Variants in TRIM71 observed in about 807,000 individuals in gnomAD.
TRIM71 encodes the protein tripartite motif containing 71, also known as E3 ubiquitin-protein ligase TRIM71.
TRIM71 carries 9 observed loss-of-function variants against 61.2 expected under a neutral mutation model. The observed-to-expected ratio is 0.15, with a 90% CI of 0.09 to 0.26. The LOEUF (loss-of-function observed/expected upper bound fraction) is 0.26, where lower values mean the gene tolerates loss of function less well. Among genes scored for constraint, TRIM71 ranks in the 10% least tolerant of loss-of-function variants. The pLI, the probability that TRIM71 is intolerant of heterozygous loss-of-function variation, is 1.00. For synonymous variants in TRIM71, 645 were observed against 553.2 expected (o/e 1.17, Z -2.33); for missense variants, 998 against 1,238.7 (o/e 0.81, Z 2.92).
In TRIM71 at chr3:32,891,259, G is replaced by A; in HGVS notation, c.2055G>A (p.Gln685=). ...TCCAGATCTTCACGTTCGAGGGCCA[G>A]TTCCTCCTCAAGTTTGGTGAGAAAG... ...HRIQIFTFEG[Q]FLLKFGEKGT... is the part of the protein sequence containing the mutation. The change falls in exon 4 of 4, where the codon CAG becomes CAA. Residue 685 remains glutamine, a synonymous_variant. Transcript: ENST00000383763. This position sits in a 1 kb window ranked among gnomAD's most constrained non-coding sequence, Gnocchi z 8.2. 6.2e-7 allele frequency: 1 copy of A among 1,613,706 alleles called. No homozygotes were observed. The highest frequency in any genetic ancestry group is 2.2e-5 in the East Asian group (1 of 44,876).
intron 2 of TRIM71, among the ~76,000 whole-genome samples, chr3:32,881,846 C>T (rs147979871): frequency 1.3e-3 from 203 of 152,258 alleles, no homozygotes; most frequent in African/African-American, 4.6e-3. Context: ...TTGGCTGGGT[C>T]GTGCGTAATT....
intron 3 of TRIM71, among the ~76,000 whole-genome samples, chr3:32,888,777 TGGTC>T (rs1309663894): frequency 4.6e-5 from 7 of 152,144 alleles, no homozygotes; most frequent in African/African-American, 1.7e-4. Context: ...TGACCTCAGG[TGGTC>T]CACCCATCTT....
chr3:32,889,391 C>T (rs1696997401), intron 3 of TRIM71, among the ~76,000 whole-genome samples: 1 of 152,152 alleles, frequency 6.6e-6, no homozygotes, highest in Non-Finnish European at 1.5e-5. Context: ...GATTCTTCCA[C>T]CTCAGCTTCC....
In TRIM71 at chr3:32,897,043, G is replaced by A. The variant is rs938874467; in HGVS notation, c.*5232G>A. ...TAAGGGTGGGTGGGTAAGGGGTGTT[G>A]TTTTTTAACTAGCATGTTAGTTATA... On this transcript the variant is annotated 3_prime_UTR_variant, in exon 4 of 4. Coordinates refer to ENST00000383763, the MANE Select transcript of TRIM71 (RefSeq NM_001039111.3). 7.9e-5 allele frequency: 2 copies of A among 25,202 alleles called. No individual in the cohort carries two copies. Among genetic ancestry groups the A allele is most frequent in the African/African-American group, 3.4e-4 (2 of 5,904 alleles). 1.6% of individuals were successfully genotyped at this position (25,202 alleles called of 1,614,324 possible).
intron 1 of TRIM71, among the ~76,000 whole-genome samples, chr3:32,823,194 T>A (rs1278682134): frequency 6.6e-6 from 1 of 152,206 alleles, no homozygotes; most frequent in Non-Finnish European, 1.5e-5. Context: ...GATAAAAATA[T>A]ATGGGAGGGA....
At position 32,838,412 on chromosome 3, in the gene TRIM71, C is replaced by T. The variant is rs552558010; in HGVS notation, c.852+19480C>T. 2.4e-4 allele frequency among the ~76,000 whole-genome samples: 36 copies of T among 151,740 alleles called. 1 individual carries two copies. Among genetic ancestry groups the T allele is most frequent in the Admixed American group, 6.6e-4 (10 of 15,228 alleles). ...GCTAATTTTATATTTTTAGTAGAGA[C>T]GGGGTTTCTCCATGTTGGTCAGGCT... On this transcript the variant is annotated intron_variant, in intron 1 of 3. Coordinates refer to ENST00000383763, the MANE Select transcript of TRIM71 (RefSeq NM_001039111.3).
intron 1 of TRIM71, among the ~76,000 whole-genome samples, chr3:32,873,242 C>T (rs1696818125): frequency 6.6e-6 from 1 of 152,138 alleles, no homozygotes; most frequent in African/African-American, 2.4e-5. Context: ...AGCTTTTTGC[C>T]TTCGTTCCAG....
chr3:32,837,897 T>G (rs2125678085), intron 1 of TRIM71, among the ~76,000 whole-genome samples: 1 of 152,302 alleles, frequency 6.6e-6, no homozygotes, highest in East Asian at 1.9e-4. Flanking sequence ...GTTTAAGACA[T>G]TTGCTGTTTC....
chr3:32,819,274 TCC>T lies in TRIM71; in HGVS notation c.852+343_852+344del, dbSNP rs1559535109. Among the ~76,000 whole-genome samples, 3 of 966 alleles carry T rather than the reference TCC, an allele frequency of 3.1e-3. No individual in the cohort carries two copies. In the East Asian group the frequency reaches 0.17, roughly 54 times the overall value. 0.6% of individuals were successfully genotyped at this position (966 alleles called of 152,430 possible). The stretch of plus-strand genomic sequence containing the variant: ...GTGTGTTTGTGTAGACGTGGCCTGC[TCC>T]TGCTCTTGTGGGCACACCAGAGGCC... On this transcript the variant is annotated intron_variant, in intron 1 of 3. Transcript: ENST00000383763.
intron 1 of TRIM71, among the ~76,000 whole-genome samples, chr3:32,827,059 C>A (rs1281949999): frequency 6.6e-6 from 1 of 152,082 alleles, no homozygotes; most frequent in African/African-American, 2.4e-5. Context: ...GCCACCGCGC[C>A]CGGGCTATGA....
Position 32,861,871 on chromosome 3 carries a change from AC to A in TRIM71, c.853-11942del, listed in dbSNP as rs559494622. On this transcript the variant is annotated intron_variant, in intron 1 of 3. Coordinates refer to ENST00000383763, the MANE Select transcript of TRIM71 (RefSeq NM_001039111.3). Reference sequence around the variant, plus strand: ...CATGCCCCAGCACCCACTCTTCCACACCCCCACACCCCACCTGAGCCTCGGC... The same window carrying A: ...CATGCCCCAGCACCCACTCTTCCACACCCCACACCCCACCTGAGCCTCGGC... 2.9e-3 allele frequency among the ~76,000 whole-genome samples: 440 copies of A among 151,930 alleles called. 1 individual carries two copies. The highest frequency in any genetic ancestry group is 7.1e-3 in the Admixed American group (108 of 15,254).
intron 1 of TRIM71, among the ~76,000 whole-genome samples, chr3:32,829,568 C>T (rs1305760476): frequency 2.0e-5 from 3 of 151,998 alleles, no homozygotes; most frequent in Non-Finnish European, 4.4e-5. Flanking sequence ...TCAACTTGCT[C>T]AATGGAACAG....
At chr3:32,823,784 C>T (rs758544169) in intron 1 of TRIM71, among the ~76,000 whole-genome samples, 4 of 146,564 alleles carry the variant, frequency 2.7e-5, no homozygotes, top group Non-Finnish European at 6.0e-5. Flanking sequence ...ACAGGGAAAT[C>T]TTCCTAAAAG....
At chr3:32,838,957 C>T (rs375544881) in intron 1 of TRIM71, among the ~76,000 whole-genome samples, 7 of 151,990 alleles carry the variant, frequency 4.6e-5, no homozygotes, top group South Asian at 2.1e-4. Context: ...CATGGCACCA[C>T]GCCTGGCTAC....
intron 1 of TRIM71, among the ~76,000 whole-genome samples, chr3:32,866,127 GACTT>G (rs914077074): frequency 6.6e-6 from 1 of 151,290 alleles, no homozygotes; most frequent in African/African-American, 2.4e-5. Flanking sequence ...TGTACAACAT[GACTT>G]ACTTTTAAAA....
At chr3:32,873,757 G>A in intron 1 of TRIM71, 61 bp from the exon 2 acceptor site, 1 of 1,397,598 alleles carries the variant, frequency 7.2e-7, no homozygotes, top group Non-Finnish European at 9.4e-7. Flanking sequence ...TCCAGTTGCT[G>A]TCTTCCCTCC....
chr3:32,858,514 C>CT (rs1171102012), intron 1 of TRIM71, among the ~76,000 whole-genome samples: 1 of 152,170 alleles, frequency 6.6e-6, no homozygotes, highest in Non-Finnish European at 1.5e-5. Flanking sequence ...ACTTTAAGAG[C>CT]TGTCTCTAAA....
At position 32,890,173 on chromosome 3, in the gene TRIM71, C is replaced by G. The variant is rs9873337; in HGVS notation, c.1156-187C>G. On this transcript the variant is annotated intron_variant, in intron 3 of 3. Coordinates refer to ENST00000383763, the MANE Select transcript of TRIM71 (RefSeq NM_001039111.3). This position sits in a 1 kb window ranked among gnomAD's most constrained non-coding sequence, Gnocchi z 6.2. ...AGTAACTATCCTCTGTAACCCAGAA[C>G]AGTTCTTCAGGTTTTTTGGTCCATT... 0.03 allele frequency among the ~76,000 whole-genome samples: 4,519 copies of G among 152,228 alleles called. 222 individuals are homozygous for G. The highest frequency in any genetic ancestry group is 0.1 in the African/African-American group (4,260 of 41,494).
At position 32,875,608 on chromosome 3, in the gene TRIM71, A is replaced by AG. The variant is rs911594124; in HGVS notation, c.1020+1625dup. Reference sequence around the variant, plus strand: ...GTAATCCTAGCACGTTGGGAGGCCGAGGTGGTGGATCACTTGAGCTCAAGA... The same window carrying AG: ...GTAATCCTAGCACGTTGGGAGGCCGAGGGTGGTGGATCACTTGAGCTCAAGA... On this transcript the variant is annotated intron_variant, in intron 2 of 3. Transcript: ENST00000383763. 2.6e-4 allele frequency among the ~76,000 whole-genome samples: 39 copies of AG among 152,238 alleles called. 1 individual carries two copies. Among genetic ancestry groups the AG allele is most frequent in the Admixed American group, 2.2e-3 (34 of 15,280 alleles).
Sources: gnomAD v4.1 joint callset for allele counts (sites outside exome capture counted in the v4.1 genomes callset) on GRCh38, gnomAD v4.1.1 for gene constraint, Gnocchi (gnomAD v3.1) non-coding constraint, MANE v1.5 for transcripts, NCBI Gene and HGNC (gene_info 2026-07-23, HGNC 2026-07-21) for gene names.